MAU2: variants seen among roughly 807,000 people sequenced by gnomAD.
MAU2 encodes the protein MAU2 chromatid cohesion factor homolog.
MAU2 carries 9 observed loss-of-function variants against 89.1 expected under a neutral mutation model. The observed-to-expected ratio is 0.10, with a 90% CI of 0.06 to 0.18. MAU2 has a LOEUF of 0.18. MAU2 is among the 10% of genes least tolerant of loss of function. The pLI, the probability that MAU2 is intolerant of heterozygous loss-of-function variation, is 1.00. For synonymous variants in MAU2, 357 were observed against 343.4 expected (o/e 1.04, Z -0.44); for missense variants, 425 against 803.5 (o/e 0.53, Z 5.69).
chr19:19,336,785 C>T (rs1373730483), intron 3 of MAU2, among the ~76,000 whole-genome samples: 1 of 152,220 alleles, frequency 6.6e-6, no homozygotes, highest in African/African-American at 2.4e-5. Flanking sequence ...TGCCTTCCTC[C>T]CACCTCAGAA....
chr19:19,347,142 G>A, intron 12 of MAU2, 138 bp from the exon 13 acceptor site: 1 of 641,524 alleles, frequency 1.6e-6, no homozygotes, highest in Non-Finnish European at 2.8e-6. Context: ...GAGCTTAGGA[G>A]GCAAAACAAG....
chr19:19,358,359 C>T lies in MAU2; in HGVS notation c.*2577C>T, dbSNP rs1735524740. On this transcript the variant is annotated 3_prime_UTR_variant, in exon 19 of 19. Coordinates refer to ENST00000262815, the MANE Select transcript of MAU2 (RefSeq NM_015329.4). ...CCATGTTTCCTTGAGACACAGCTGC[C>T]TCTCCCCAGCTCTGTCCCTGTAGTC... 6.6e-6 allele frequency: 1 copy of T among 152,124 alleles called. No homozygotes were observed. 9.4% of individuals were successfully genotyped at this position (152,124 alleles called of 1,614,324 possible).
intron 9 of MAU2, 46 bp downstream of exon 9, chr19:19,342,912 C>A: frequency 6.2e-7 from 1 of 1,600,752 alleles, no homozygotes; most frequent in Middle Eastern, 1.7e-4. Context: ...CGACCCCTGG[C>A]GGACGGCCTG....
Position 19,336,152 on chromosome 19 carries a change from G to A in MAU2, c.325G>A (p.Ala109Thr). The A allele has an allele frequency of 6.2e-7, 1 of 1,613,584 alleles. No homozygotes were observed. Among genetic ancestry groups the A allele is most frequent in the Non-Finnish European group, 8.5e-7 (1 of 1,179,592 alleles). Residue 109 changes from alanine (A) to threonine (T), a missense_variant, in exon 3 of 19, where the codon GCA becomes ACA. Physicochemically the swap from Ala to Thr is moderately conservative, Grantham distance 58. Around this residue, in one of 11 missense-constraint regions of MAU2, gnomAD observed 119 missense variants for 299.8 expected, o/e 0.40. Coordinates refer to ENST00000262815, the MANE Select transcript of MAU2 (RefSeq NM_015329.4). ...GCAGTTCGAAGATGTTAAATTTGAA[G>A]CAGCAAGTCTGTTGTCTGAATTGTA... ...IPQFEDVKFE[A>T]ASLLSELYCQ... is the part of the protein sequence containing the mutation.
chr19:19,353,918 C>G (rs192116344), intron 16 of MAU2: 158 of 212,054 alleles, frequency 7.5e-4, no homozygotes, highest in African/African-American at 3.4e-3. Flanking sequence ...CCCTGCGTGT[C>G]TGCGGGGGCC....
chr19:19,344,065 G>C, intron 10 of MAU2, 125 bp downstream of exon 10: 1 of 758,078 alleles, frequency 1.3e-6, no homozygotes, highest in Non-Finnish European at 2.2e-6. Flanking sequence ...TCTCGCTGTC[G>C]GCCAGCGTTT....
At chr19:19,338,039 G>A (rs1285441244) in intron 4 of MAU2, among the ~76,000 whole-genome samples, 10 of 152,192 alleles carry the variant, frequency 6.6e-5, no homozygotes, top group Admixed American at 5.2e-4. Context: ...CCTGCCTTCC[G>A]GGCCACCACT....
intron 4 of MAU2, among the ~76,000 whole-genome samples, chr19:19,337,638 C>T (rs990918489): frequency 1.2e-4 from 19 of 152,338 alleles, no homozygotes; most frequent in Middle Eastern, 3.4e-3. Flanking sequence ...AGGAACATTT[C>T]CTGCCAGAGA....
intron 1 of MAU2, among the ~76,000 whole-genome samples, chr19:19,326,283 T>A (rs2146653089): frequency 6.6e-6 from 1 of 152,132 alleles, no homozygotes; most frequent in Middle Eastern, 3.4e-3. Context: ...CCAGGTGTGG[T>A]GGCTCACACC....
chr19:19,327,985 C>T (rs1030081729), intron 1 of MAU2, among the ~76,000 whole-genome samples: 2 of 151,756 alleles, frequency 1.3e-5, no homozygotes, highest in African/African-American at 4.8e-5. Flanking sequence ...TGGGCACTAC[C>T]CTGTCTCTAC....
rs2048200653 is a variant in MAU2, at chr19:19,358,194, T to C, written c.*2412T>C. The stretch of plus-strand genomic sequence containing the variant: ...CAAAAACTCCAAACCCTTCAGTGGA[T>C]GAGGACAAGGTCGCAGAAAGGCATT... On this transcript the variant is annotated 3_prime_UTR_variant, in exon 19 of 19. Transcript: ENST00000262815. The C allele has an allele frequency of 6.6e-6, 1 of 151,974 alleles. No homozygotes were observed. Among genetic ancestry groups the C allele is most frequent in the South Asian group, 2.1e-4 (1 of 4,826 alleles). 9.4% of individuals were successfully genotyped at this position (151,974 alleles called of 1,614,324 possible).
chr19:19,333,711 C>T (rs756939770), intron 1 of MAU2, among the ~76,000 whole-genome samples: 20 of 152,192 alleles, frequency 1.3e-4, no homozygotes, highest in African/African-American at 3.9e-4. Flanking sequence ...AAAGCTTCTC[C>T]GCCCAAAGGG....
At position 19,349,491 on chromosome 19, in the gene MAU2, G is replaced by C. The variant is rs577427083; in HGVS notation, c.1548+55G>C. The C allele has an allele frequency of 3.5e-5, 53 of 1,494,760 alleles. No homozygotes were observed. In the South Asian group the frequency reaches 5.5e-4, roughly 16 times the overall value. 92.6% of individuals were successfully genotyped at this position (1,494,760 alleles called of 1,614,324 possible). A position where few individuals can be genotyped will look rare whatever the true frequency, so the allele number is the denominator to read the frequency against. ...GGGTGCCTGTGGGGCTTGGCTGAGGGACAGGAGCCGGCCAGCACCCTAAGG... is the reference window on the plus strand; with the variant it reads ...GGGTGCCTGTGGGGCTTGGCTGAGGCACAGGAGCCGGCCAGCACCCTAAGG... On this transcript the variant is annotated intron_variant, in intron 16 of 18. Coordinates refer to ENST00000262815, the MANE Select transcript of MAU2 (RefSeq NM_015329.4).
rs1367499662 is a variant in MAU2, at chr19:19,338,950, A to G, written c.551+11A>G. ...ATCTGAATACACACGGTAGGCACCC[A>G]CTCCCCTCCTTCCCTCCTGCTCTGT... On this transcript the variant is annotated intron_variant, in intron 5 of 18. Coordinates refer to ENST00000262815, the MANE Select transcript of MAU2 (RefSeq NM_015329.4). The G allele has an allele frequency of 1.3e-5, 21 of 1,604,560 alleles. No individual in the cohort carries two copies. The highest frequency in any genetic ancestry group is 2.2e-5 in the East Asian group (1 of 44,670).
At chr19:19,350,236 C>T (rs889067935) in intron 16 of MAU2, among the ~76,000 whole-genome samples, 5 of 140,862 alleles carry the variant, frequency 3.5e-5, no homozygotes, top group African/African-American at 1.3e-4. Flanking sequence ...GCAGAGGTTG[C>T]ATTGAACGGA....
Position 19,354,701 on chromosome 19 carries a change from T to C in MAU2, c.1639+256T>C. ...GGCTGCGACTTGGTATCTGGTAGAC[T>C]TGGGCTGTTAGCCGTGGCGCTCTCA... On this transcript the variant is annotated intron_variant, in intron 17 of 18. Transcript: ENST00000262815. 4 of 527,678 alleles carry C rather than the reference T, an allele frequency of 7.6e-6. No individual in the cohort carries two copies. In the South Asian group the frequency reaches 9.0e-5, roughly 12 times the overall value. The allele number at this position is 527,678 out of a possible 1,614,324, so 32.7% of individuals were successfully genotyped here. A position where few individuals can be genotyped will look rare whatever the true frequency, so the allele number is the denominator to read the frequency against.
chr19:19,338,341 G>A (rs964082066), intron 4 of MAU2, among the ~76,000 whole-genome samples: 2 of 152,180 alleles, frequency 1.3e-5, no homozygotes, highest in Admixed American at 6.5e-5. Context: ...CCATGTGCAC[G>A]CACACCCAAG....
chr19:19,345,028 G>A lies in MAU2; in HGVS notation c.1155+102G>A. 9.5e-7 allele frequency: 1 copy of A among 1,057,904 alleles called. No individual in the cohort carries two copies. Among genetic ancestry groups the A allele is most frequent in the Non-Finnish European group, 1.4e-6 (1 of 701,260 alleles). 65.5% of individuals were successfully genotyped at this position (1,057,904 alleles called of 1,614,324 possible). Reference sequence around the variant, plus strand: ...ATTCCCAGTGAAGGACCCCCTGACAGCACCCTAATCAGAATCCGGAATGTT... The same window carrying A: ...ATTCCCAGTGAAGGACCCCCTGACAACACCCTAATCAGAATCCGGAATGTT... On this transcript the variant is annotated intron_variant, in intron 11 of 18. Coordinates refer to ENST00000262815, the MANE Select transcript of MAU2 (RefSeq NM_015329.4). This position sits in a 1 kb window ranked among gnomAD's most constrained non-coding sequence, Gnocchi z 4.9.
intron 7 of MAU2, among the ~76,000 whole-genome samples, chr19:19,342,196 G>C (rs1333430159): frequency 6.6e-6 from 1 of 152,134 alleles, no homozygotes; most frequent in Non-Finnish European, 1.5e-5. Context: ...CACCCCCTCA[G>C]AGCACAGCCT....
Sources: gnomAD v4.1 joint callset for allele counts (sites outside exome capture counted in the v4.1 genomes callset) on GRCh38, gnomAD v4.1.1 for gene constraint, gnomAD v4.1.1 regional missense constraint, Gnocchi (gnomAD v3.1) non-coding constraint, MANE v1.5 for transcripts, NCBI Gene and HGNC (gene_info 2026-07-23, HGNC 2026-07-21) for gene names.